The following FARP1 variants were observed in gnomAD, a reference collection of about 807,000 sequenced individuals.
FARP1 encodes the protein FERM, ARH/RhoGEF and pleckstrin domain protein 1, also known as FERM, ARHGEF and pleckstrin domain-containing protein 1.
A neutral mutation model predicts 128.8 loss-of-function variants in FARP1; 52 were observed. The ratio of observed to expected loss-of-function variants is 0.40; its 90% CI spans 0.32 to 0.51. FARP1 has a LOEUF of 0.51. FARP1 is among the 20% of genes least tolerant of loss of function. FARP1 has a pLI of 0.45. For synonymous variants in FARP1, 580 were observed against 551.8 expected (o/e 1.05, Z -0.72); for missense variants, 1,333 against 1,367.9 (o/e 0.97, Z 0.40).
chr13:98,444,832 C>T lies in FARP1; in HGVS notation c.2797-1266C>T, dbSNP rs537008466. Among the ~76,000 whole-genome samples, 16 of 152,294 alleles carry T rather than the reference C, an allele frequency of 1.1e-4. No homozygotes were observed. The South Asian group carries it at 3.1e-3, about 30-fold the overall frequency. ...AAATACCTAGGAAAGGGGAGTGTGC[C>T]ACCCTCCTTGCTCCATGTTGCGTGA... On this transcript the variant is annotated intron_variant, in intron 24 of 26. Transcript: ENST00000319562.
chr13:98,395,447 G>C lies in FARP1; in HGVS notation c.1385G>C (p.Ser462Thr). ...EEVVKDRTQQ[S>T]KPQPPQPSTG... ...GTCGTTAAGGATAGGACCCAGCAGA[G>C]TAAACCTCAGCCCCCGCAGCCAAGC... Residue 462 changes from serine to threonine, a missense_variant, in exon 13 of 27, where the codon AGT (serine) becomes ACT (threonine). By Grantham distance (58) the Ser-to-Thr change is moderately conservative (BLOSUM62 1). Transcript: ENST00000319562. The C allele has an allele frequency of 6.3e-7, 1 of 1,596,172 alleles. No homozygotes were observed. The highest frequency in any genetic ancestry group is 1.7e-5 in the Admixed American group (1 of 59,384).
intron 2 of FARP1, among the ~76,000 whole-genome samples, chr13:98,265,189 G>A (rs909885408): frequency 1.3e-5 from 2 of 152,170 alleles, no homozygotes; most frequent in Non-Finnish European, 2.9e-5. Context: ...TCTCAGTGTG[G>A]TGTCTTGACT....
intron 3 of FARP1, among the ~76,000 whole-genome samples, chr13:98,355,135 C>T (rs1466242627): frequency 1.3e-5 from 2 of 151,980 alleles, no homozygotes; most frequent in African/African-American, 4.8e-5. Context: ...ATCACTTGAG[C>T]TCAGGAGTGT....
chr13:98,250,751 A>G (rs1373360065), intron 2 of FARP1, among the ~76,000 whole-genome samples: 1 of 152,084 alleles, frequency 6.6e-6, no homozygotes, highest in African/African-American at 2.4e-5. Context: ...AAAGAAAAAA[A>G]TATATAACAC....
intron 2 of FARP1, among the ~76,000 whole-genome samples, chr13:98,305,126 ATTTAT>A (rs1205007432): frequency 1.4e-5 from 2 of 145,880 alleles, no homozygotes; most frequent in Non-Finnish European, 3.0e-5. Context: ...ATATTTTTTA[ATTTAT>A]TTATTTTTTA....
chr13:98,356,449 G>A (rs1481178359), intron 3 of FARP1, among the ~76,000 whole-genome samples: 2 of 151,998 alleles, frequency 1.3e-5, no homozygotes, highest in Non-Finnish European at 2.9e-5. Context: ...CGTATTATGC[G>A]CCTGTTCTTG....
intron 2 of FARP1, among the ~76,000 whole-genome samples, chr13:98,275,005 T>C (rs1189010954): frequency 6.6e-6 from 1 of 152,208 alleles, no homozygotes; most frequent in African/African-American, 2.4e-5. Context: ...TCTTCAGCCA[T>C]GCAATACTGT....
chr13:98,260,556 T>C (rs1883827655), intron 2 of FARP1, among the ~76,000 whole-genome samples: 1 of 152,192 alleles, frequency 6.6e-6, no homozygotes, highest in African/African-American at 2.4e-5. Flanking sequence ...TCTGGGCCTG[T>C]GAAAGCAAAA....
chr13:98,226,384 C>T (rs1303455626), intron 2 of FARP1, among the ~76,000 whole-genome samples: 2 of 152,188 alleles, frequency 1.3e-5, no homozygotes, highest in Non-Finnish European at 2.9e-5. Context: ...GATTAGGGCC[C>T]GCCCTACTGA....
intron 1 of FARP1, among the ~76,000 whole-genome samples, chr13:98,211,322 T>C (rs1880689529): frequency 6.6e-6 from 1 of 152,210 alleles, no homozygotes; most frequent in Admixed American, 6.5e-5. Flanking sequence ...TAGATTCTCA[T>C]AGGAGCACAG....
intron 1 of FARP1, among the ~76,000 whole-genome samples, chr13:98,167,334 A>G (rs1242709611): frequency 1.4e-5 from 2 of 147,990 alleles, no homozygotes; most frequent in Non-Finnish European, 3.0e-5. Flanking sequence ...GCACTTTTTT[A>G]GTTTTTTTCC....
At chr13:98,265,351 G>A (rs1294061873) in intron 2 of FARP1, among the ~76,000 whole-genome samples, 15 of 108,276 alleles carry the variant, frequency 1.4e-4, no homozygotes, top group Admixed American at 4.5e-4. Flanking sequence ...ACGGAGTCTC[G>A]CTCTGTCGCC....
intron 2 of FARP1, among the ~76,000 whole-genome samples, chr13:98,295,604 T>G (rs1250460181): frequency 1.3e-5 from 2 of 152,208 alleles, no homozygotes; most frequent in Non-Finnish European, 1.5e-5. Context: ...TTCTTATGCA[T>G]CTTTGACTTG....
At position 98,156,222 on chromosome 13, in the gene FARP1, A is replaced by C. The variant is rs541275398; in HGVS notation, c.-24+12730A>C. Among the ~76,000 whole-genome samples the C allele has an allele frequency of 1.2e-4, 18 of 152,370 alleles. 1 individual carries two copies. The highest frequency in any genetic ancestry group is 4.1e-4 in the South Asian group (2 of 4,826). ...ATTTGGAATTTGTTTTGAGAATGAC[A>C]GATAACGTATAAAAACATACTCTCT... is the stretch of plus-strand genomic sequence containing the variant. On this transcript the variant is annotated intron_variant, in intron 1 of 26. Coordinates refer to ENST00000319562, the MANE Select transcript of FARP1 (RefSeq NM_005766.4).
intron 3 of FARP1, 127 bp from the exon 4 acceptor site, chr13:98,365,268 A>T: frequency 1.5e-6 from 1 of 655,728 alleles, no homozygotes; most frequent in Non-Finnish European, 2.7e-6. Flanking sequence ...TTCTGGAGAA[A>T]AATGGAACAG....
chr13:98,422,949 C>G (rs960395210), intron 16 of FARP1, among the ~76,000 whole-genome samples: 1 of 152,134 alleles, frequency 6.6e-6, no homozygotes, highest in South Asian at 2.1e-4. Flanking sequence ...TTGACTCACA[C>G]GTTCACAAGG....
intron 2 of FARP1, among the ~76,000 whole-genome samples, chr13:98,343,495 G>C (rs887888100): frequency 6.6e-6 from 1 of 152,158 alleles, no homozygotes; most frequent in Non-Finnish European, 1.5e-5. Context: ...AAAAATAGTC[G>C]ATTAATTGAA....
intron 1 of FARP1, among the ~76,000 whole-genome samples, chr13:98,145,406 C>G (rs181284940): frequency 6.6e-6 from 1 of 152,280 alleles, no homozygotes; most frequent in Admixed American, 6.5e-5. Context: ...GGATTTATTC[C>G]TTGCTTCATA....
At chr13:98,151,984 G>A (rs1218371572) in intron 1 of FARP1, among the ~76,000 whole-genome samples, 1 of 151,924 alleles carries the variant, frequency 6.6e-6, no homozygotes, top group Non-Finnish European at 1.5e-5. Context: ...TTTGACATTG[G>A]ACAAGTTATC....
Sources: allele counts gnomAD v4.1 joint callset (sites outside exome capture counted in the v4.1 genomes callset), GRCh38; gene constraint gnomAD v4.1.1; transcripts MANE v1.5; gene names NCBI Gene and HGNC (gene_info 2026-07-23, HGNC 2026-07-21).